Variants in TRAF3IP2 observed in about 807,000 individuals in gnomAD.
The protein encoded by TRAF3IP2 is E3 ubiquitin ligase TRAF3IP2.
TRAF3IP2 carries 35 observed loss-of-function variants against 57.9 expected under a neutral mutation model. The observed-to-expected ratio is 0.60, with a 90% CI of 0.46 to 0.80. The LOEUF (loss-of-function observed/expected upper bound fraction) is 0.80, where lower values mean the gene tolerates loss of function less well. TRAF3IP2 is among the 30% of genes least tolerant of loss of function. TRAF3IP2 has a pLI of 0.00. For synonymous variants in TRAF3IP2, 251 were observed against 268.9 expected (o/e 0.93, Z 0.65); for missense variants, 556 against 706.4 (o/e 0.79, Z 2.41).
intron 1 of TRAF3IP2, among the ~76,000 whole-genome samples, chr6:111,596,193 C>T (rs948323896): frequency 1.3e-5 from 2 of 152,218 alleles, no homozygotes; most frequent in Non-Finnish European, 2.9e-5. Context: ...TTATATATTA[C>T]CCAAATGTAT....
At chr6:111,576,038 A>C (rs1795976488) in intron 3 of TRAF3IP2, among the ~76,000 whole-genome samples, 1 of 152,186 alleles carries the variant, frequency 6.6e-6, no homozygotes, top group African/African-American at 2.4e-5. Context: ...CTCTGACTCC[A>C]AAGAGGGAAG....
intron 2 of TRAF3IP2, among the ~76,000 whole-genome samples, chr6:111,584,466 T>A (rs1032514589): frequency 1.7e-4 from 26 of 152,114 alleles, no homozygotes; most frequent in African/African-American, 6.3e-4. Context: ...CTTTTGTAAG[T>A]GGAATCTGAC....
chr6:111,588,909 T>G (rs554184277), intron 2 of TRAF3IP2, among the ~76,000 whole-genome samples: 7 of 152,262 alleles, frequency 4.6e-5, no homozygotes, highest in African/African-American at 1.7e-4. Context: ...AGATTAAAAA[T>G]ATATGCAAAG....
chr6:111,581,627 A>T (rs1454707970), intron 2 of TRAF3IP2, among the ~76,000 whole-genome samples: 1 of 152,184 alleles, frequency 6.6e-6, no homozygotes, highest in African/African-American at 2.4e-5. Flanking sequence ...TGGCAAGTAA[A>T]CAAAAAAGTG....
chr6:111,593,623 C>T (rs1320737226), intron 1 of TRAF3IP2, among the ~76,000 whole-genome samples: 3 of 152,156 alleles, frequency 2.0e-5, no homozygotes, highest in Non-Finnish European at 4.4e-5. Flanking sequence ...TTTTCTGACG[C>T]AACAGAAAAC....
chr6:111,596,862 G>A (rs1438500964), intron 1 of TRAF3IP2, among the ~76,000 whole-genome samples: 1 of 152,214 alleles, frequency 6.6e-6, no homozygotes, highest in African/African-American at 2.4e-5. Flanking sequence ...GCCTCCCAAA[G>A]TGCTGGGATT....
rs764176409 is a variant in TRAF3IP2, at chr6:111,591,766, A to G, written c.321T>C (p.Pro107=). ...RRHPGLGKAF[P]SGCSAVSEPA... ...GCTCGCTGACTGCAGAGCACCCAGA[A>G]GGGAAAGCTTTGCCCAGGCCTGGGT... Residue 107 remains proline (P), a synonymous_variant, in exon 2 of 9, where the codon CCT becomes CCC. Transcript: ENST00000368761. This position sits in a 1 kb window ranked among gnomAD's most constrained non-coding sequence, Gnocchi z 4.9. 7.4e-6 allele frequency: 12 copies of G among 1,614,204 alleles called. No homozygotes were observed. Among genetic ancestry groups the G allele is most frequent in the Non-Finnish European group, 1.0e-5 (12 of 1,180,026 alleles).
At chr6:111,584,831 A>G (rs1796279211) in intron 2 of TRAF3IP2, among the ~76,000 whole-genome samples, 1 of 152,200 alleles carries the variant, frequency 6.6e-6, no homozygotes, top group Non-Finnish European at 1.5e-5. Context: ...CTACATGTCA[A>G]GTACTGTTCT....
chr6:111,604,584 A>G (rs1388868256), intron 1 of TRAF3IP2, among the ~76,000 whole-genome samples: 1 of 152,232 alleles, frequency 6.6e-6, no homozygotes, highest in Non-Finnish European at 1.5e-5. Flanking sequence ...ATAAGGCCTC[A>G]ATTCCAGGCA....
intron 1 of TRAF3IP2, among the ~76,000 whole-genome samples, chr6:111,604,781 T>A (rs1796970397): frequency 6.6e-6 from 1 of 152,168 alleles, no homozygotes; most frequent in African/African-American, 2.4e-5. Context: ...CAAAGTCCTT[T>A]CCTCAAGGGG....
intron 1 of TRAF3IP2, among the ~76,000 whole-genome samples, chr6:111,593,235 C>G (rs1796574660): frequency 6.6e-6 from 1 of 152,220 alleles, no homozygotes; most frequent in South Asian, 2.1e-4. Flanking sequence ...ACACAGCATA[C>G]TTCAAATACC....
intron 2 of TRAF3IP2, among the ~76,000 whole-genome samples, chr6:111,580,876 C>T (rs1040382): frequency 2.3e-4 from 35 of 150,506 alleles, no homozygotes; most frequent in Non-Finnish European, 4.7e-4. Flanking sequence ...ACACACACAC[C>T]CCACTCTCCT....
At chr6:111,580,492 A>G in intron 2 of TRAF3IP2, 103 bp from the exon 3 acceptor site, 1 of 1,043,772 alleles carries the variant, frequency 9.6e-7, no homozygotes, top group Non-Finnish European at 1.3e-6. Flanking sequence ...ATCCCAGCTG[A>G]GGGGTCCAGA....
chr6:111,568,761 C>T (rs1409385069), intron 5 of TRAF3IP2, among the ~76,000 whole-genome samples: 1 of 152,166 alleles, frequency 6.6e-6, no homozygotes, highest in African/African-American at 2.4e-5. Flanking sequence ...AGCCTCGCCT[C>T]TCTTTTCCTC....
intron 2 of TRAF3IP2, among the ~76,000 whole-genome samples, chr6:111,585,899 T>A (rs1796315323): frequency 6.6e-6 from 1 of 152,250 alleles, no homozygotes; most frequent in African/African-American, 2.4e-5. Context: ...GTACACACGA[T>A]CTTCATGTTA....
intron 1 of TRAF3IP2, among the ~76,000 whole-genome samples, chr6:111,595,687 G>C (rs1796661656): frequency 6.6e-6 from 1 of 152,080 alleles, no homozygotes; most frequent in Non-Finnish European, 1.5e-5. Context: ...AATTAGCCGG[G>C]CATGATGGCA....
chr6:111,567,803 G>A (rs1795701459), intron 5 of TRAF3IP2, 111 bp from the exon 6 acceptor site: 1 of 784,552 alleles, frequency 1.3e-6, no homozygotes, highest in Non-Finnish European at 1.8e-6. Context: ...CTTAACTAAT[G>A]CTTTTTGCAA....
Position 111,567,605 on chromosome 6 carries a change from GT to G in TRAF3IP2, c.1359+18del. On this transcript the variant is annotated intron_variant, in intron 6 of 8. Transcript: ENST00000368761. ...CTTTCTCACCAGAAAACAAACTCTGGTTTTTGGAATGTACTTACATCCCTAA... is the reference window on the plus strand; with the variant it reads ...CTTTCTCACCAGAAAACAAACTCTGGTTTTGGAATGTACTTACATCCCTAA... The G allele has an allele frequency of 6.3e-7, 1 of 1,594,290 alleles. No homozygotes were observed. Among genetic ancestry groups the G allele is most frequent in the South Asian group, 1.2e-5 (1 of 86,434 alleles).
At chr6:111,598,055 C>A (rs972863100) in intron 1 of TRAF3IP2, 7 of 374,632 alleles carry the variant, frequency 1.9e-5, no homozygotes, top group South Asian at 6.0e-5. Flanking sequence ...ATCAGCAAAT[C>A]CTGGGGGGAG....
Sources: allele counts gnomAD v4.1 joint callset (sites outside exome capture counted in the v4.1 genomes callset), GRCh38; gene constraint gnomAD v4.1.1; non-coding constraint Gnocchi (gnomAD v3.1); transcripts MANE v1.5; gene names NCBI Gene and HGNC (gene_info 2026-07-23, HGNC 2026-07-21).